TENM2: variants seen among roughly 807,000 people sequenced by gnomAD.
TENM2 encodes teneurin transmembrane protein 2, also known as teneurin-2.
In TENM2, 52 loss-of-function variants were observed where a neutral mutation model predicts 245.2. The observed-to-expected ratio is 0.21, with a 90% confidence interval of 0.17 to 0.27. The LOEUF (loss-of-function observed/expected upper bound fraction) is 0.27, where lower values mean the gene tolerates loss of function less well. TENM2 is among the 10% of genes least tolerant of loss of function. TENM2 has a pLI of 1.00. For missense variants in TENM2, 3,046 were observed against 3,666.8 expected (o/e 0.83, Z 4.37); for synonymous variants, 1,363 against 1,438.9 (o/e 0.95, Z 1.19).
At chr5:167,640,888 T>TCC (rs1348828480) in intron 2 of TENM2, among the ~76,000 whole-genome samples, 7 of 104,756 alleles carry the variant, frequency 6.7e-5, no homozygotes, top group Admixed American at 1.0e-4. Flanking sequence ...TATATATATA[T>TCC]ATATATATAT....
chr5:168,159,014 T>A (rs914989267), intron 12 of TENM2, among the ~76,000 whole-genome samples: 1 of 150,398 alleles, frequency 6.6e-6, no homozygotes, highest in Non-Finnish European at 1.5e-5. Flanking sequence ...TGTGGTGGCA[T>A]GCACCTGTAG....
chr5:167,801,403 T>G (rs1765759927), intron 2 of TENM2, among the ~76,000 whole-genome samples: 1 of 151,994 alleles, frequency 6.6e-6, no homozygotes, highest in South Asian at 2.1e-4. Flanking sequence ...ACCTGTTCCA[T>G]ATCCTAATGG....
chr5:168,244,450 T>G lies in TENM2; in HGVS notation c.5551T>G (p.Tyr1851Asp). 1 of 1,574,386 alleles carries G rather than the reference T, an allele frequency of 6.4e-7. No individual in the cohort carries two copies. Among genetic ancestry groups the G allele is most frequent in the South Asian group, 1.2e-5 (1 of 86,624 alleles). Residue 1851 changes from tyrosine (Y) to aspartate (D), a missense_variant, in exon 26 of 29, where the codon TAT becomes GAT. Physicochemically the swap from Tyr to Asp is radical, Grantham distance 160. Coordinates refer to ENST00000518659, the Ensembl canonical transcript of TENM2. The surrounding 1 kb of genome is among the most constrained non-coding windows in gnomAD (Gnocchi z 4.9). ...TGGAAGAAATCTCTTGTCCATTGACTATGATCGAAATATTCGGACTGAAAA... is the reference window on the plus strand; with the variant it reads ...TGGAAGAAATCTCTTGTCCATTGACGATGATCGAAATATTCGGACTGAAAA...
In TENM2 at chr5:167,890,728, C is replaced by G. The variant is rs181127070; in HGVS notation, c.712+14533C>G. Among the ~76,000 whole-genome samples the G allele has an allele frequency of 1.3e-3, 197 of 152,094 alleles. 1 individual carries two copies. The highest frequency in any genetic ancestry group is 4.6e-3 in the African/African-American group (189 of 41,484). On this transcript the variant is annotated intron_variant, in intron 3 of 28. Transcript: ENST00000518659. ...TTATTCATGTATGAGATTTGCATGGCCTTTGTAGCATTTGTATCTTCAATC... is the reference window on the plus strand; with the variant it reads ...TTATTCATGTATGAGATTTGCATGGGCTTTGTAGCATTTGTATCTTCAATC...
chr5:167,705,830 A>C lies in TENM2; in HGVS notation c.503-170156A>C, dbSNP rs981414562. 3.0e-4 allele frequency among the ~76,000 whole-genome samples: 45 copies of C among 151,598 alleles called. 1 individual carries two copies. Among genetic ancestry groups the C allele is most frequent in the Admixed American group, 2.9e-3 (44 of 15,210 alleles). On this transcript the variant is annotated intron_variant, in intron 2 of 28. Transcript: ENST00000518659. The stretch of plus-strand genomic sequence containing the variant: ...ACTCTCTGCTTCTAGGAGTTTGACT[A>C]TTTTAGATTTACCATATAGGTGGTA...
chr5:167,311,247 G>T (rs1166365527), intron 1 of TENM2, among the ~76,000 whole-genome samples: 1 of 152,034 alleles, frequency 6.6e-6, no homozygotes, highest in African/African-American at 2.4e-5. Context: ...CTTTTTGCTG[G>T]TTATAAAAAT....
Position 167,586,689 on chromosome 5 carries a change from G to A in TENM2, c.502+211216G>A, listed in dbSNP as rs145997102. Among the ~76,000 whole-genome samples the A allele has an allele frequency of 2.6e-3, 396 of 152,108 alleles. 5 individuals are homozygous for A. The highest frequency in any genetic ancestry group is 3.5e-3 in the Non-Finnish European group (238 of 67,992). The stretch of plus-strand genomic sequence containing the variant: ...AAAGAGGTAATTTAAAAAATGGAAC[G>A]TACTTGCCAATGAGCAAATGTATTC... On this transcript the variant is annotated intron_variant, in intron 2 of 28. Transcript: ENST00000518659.
At chr5:168,134,417 G>C (rs1754862033) in intron 12 of TENM2, among the ~76,000 whole-genome samples, 1 of 152,124 alleles carries the variant, frequency 6.6e-6, no homozygotes, top group African/African-American at 2.4e-5. Context: ...CAGGTGTGGT[G>C]GCTCATGCCT....
At chr5:167,594,296 T>C (rs1776059853) in intron 2 of TENM2, among the ~76,000 whole-genome samples, 1 of 152,176 alleles carries the variant, frequency 6.6e-6, no homozygotes, top group Non-Finnish European at 1.5e-5. Flanking sequence ...CATCAGACTT[T>C]GCACCTAAAT....
At chr5:166,983,047 C>A in the TENM2 span, among the ~76,000 whole-genome samples, 2 of 152,004 alleles carry the variant, frequency 1.3e-5, no homozygotes, top group Non-Finnish European at 2.9e-5. Context: ...CAGCAACAGA[C>A]TTTTTAAAAA....
the TENM2 span, among the ~76,000 whole-genome samples, chr5:166,991,957 T>A: frequency 1.3e-5 from 2 of 152,068 alleles, no homozygotes; most frequent in Admixed American, 6.6e-5. Context: ...GAAAAAAAAA[T>A]TTAAATGTTT....
intron 12 of TENM2, among the ~76,000 whole-genome samples, chr5:168,155,743 G>A (rs1757096778): frequency 6.6e-6 from 1 of 151,930 alleles, no homozygotes; most frequent in South Asian, 2.1e-4. Flanking sequence ...TGTGCTAAAG[G>A]GAAAGCTTAC....
chr5:167,475,039 TAAA>T (rs891546990), intron 2 of TENM2, among the ~76,000 whole-genome samples: 3 of 152,144 alleles, frequency 2.0e-5, no homozygotes, highest in African/African-American at 7.2e-5. Context: ...TGAAAAATAA[TAAA>T]AATTGTCGGA....
At chr5:168,158,442 A>G (rs908350862) in intron 12 of TENM2, among the ~76,000 whole-genome samples, 2 of 152,092 alleles carry the variant, frequency 1.3e-5, no homozygotes, top group Non-Finnish European at 2.9e-5. Flanking sequence ...GCCTAAAACC[A>G]GGCCAAGCTC....
intron 2 of TENM2, among the ~76,000 whole-genome samples, chr5:167,632,736 G>A (rs973457863): frequency 9.9e-5 from 15 of 152,062 alleles, no homozygotes; most frequent in African/African-American, 3.6e-4. Context: ...ACCCAGCACA[G>A]TACCTGGCAC....
intron 2 of TENM2, among the ~76,000 whole-genome samples, chr5:167,494,845 G>A (rs62383313): frequency 0.02 from 2,990 of 152,062 alleles, 64 homozygotes; most frequent in Non-Finnish European, 0.022. Context: ...AAAACACTAG[G>A]ATAAGAAAAA....
At chr5:167,470,199 A>T (rs969818689) in intron 2 of TENM2, among the ~76,000 whole-genome samples, 9 of 152,216 alleles carry the variant, frequency 5.9e-5, no homozygotes, top group Non-Finnish European at 1.0e-4. Context: ...ATAAGCCAGT[A>T]ATAGAAGGTT....
At chr5:168,114,699 G>C (rs1040379671) in intron 9 of TENM2, among the ~76,000 whole-genome samples, 1 of 152,172 alleles carries the variant, frequency 6.6e-6, no homozygotes, top group African/African-American at 2.4e-5. Context: ...CCACTTCTTT[G>C]TATGGCATAA....
chr5:167,388,289 A>G (rs1458533854), intron 2 of TENM2, among the ~76,000 whole-genome samples: 1 of 152,032 alleles, frequency 6.6e-6, no homozygotes, highest in Non-Finnish European at 1.5e-5. Context: ...TAGTTTTTCT[A>G]GTTTATGCAT....
Sources: allele counts gnomAD v4.1 joint callset (sites outside exome capture counted in the v4.1 genomes callset), GRCh38; gene constraint gnomAD v4.1.1; non-coding constraint Gnocchi (gnomAD v3.1); transcripts MANE v1.5; gene names NCBI Gene and HGNC (gene_info 2026-07-23, HGNC 2026-07-21).